IMMP2L: variants seen among roughly 807,000 people sequenced by gnomAD.
The protein encoded by IMMP2L is mitochondrial inner membrane protease subunit 2.
A neutral mutation model predicts 19.3 loss-of-function variants in IMMP2L; 18 were observed. The ratio of observed to expected loss-of-function variants is 0.93; its 90% CI spans 0.64 to 1.38. The LOEUF is 1.38. IMMP2L is among the 40% of genes most tolerant of loss of function. The probability of loss-of-function intolerance (pLI) is 0.00; values close to 1 mark genes in which losing one functional copy is unlikely to be tolerated. For synonymous variants in IMMP2L, 76 were observed against 73.0 expected (o/e 1.04, Z -0.21); for missense variants, 233 against 218.2 (o/e 1.07, Z -0.43).
chr7:111,115,001 C>T (rs934568822), intron 3 of IMMP2L, among the ~76,000 whole-genome samples: 2 of 151,970 alleles, frequency 1.3e-5, no homozygotes, highest in East Asian at 3.9e-4. Flanking sequence ...TAACCTGAAG[C>T]AAATTTTCCA....
At chr7:111,143,681 A>T (rs1803173759) in intron 3 of IMMP2L, among the ~76,000 whole-genome samples, 1 of 152,184 alleles carries the variant, frequency 6.6e-6, no homozygotes, top group Non-Finnish European at 1.5e-5. Context: ...TAAAAAAGAT[A>T]ACTGTAACTG....
At chr7:111,101,273 T>A (rs1473394438) in intron 3 of IMMP2L, among the ~76,000 whole-genome samples, 1 of 151,512 alleles carries the variant, frequency 6.6e-6, no homozygotes, top group Non-Finnish European at 1.5e-5. Context: ...TCAATGACCA[T>A]GATATAGATA....
rs2094217744 is a variant in IMMP2L at position 111,239,572 on chromosome 7, A to C, written c.239+247666T>G. Among the ~76,000 whole-genome samples the C allele has an allele frequency of 2.6e-5, 4 of 151,998 alleles. 1 individual carries two copies. In the South Asian group the frequency reaches 8.3e-4, roughly 31 times the overall value. ...TTTAGGTCTAGTTGATTATGATAGA[A>C]AACAGACAACCACATGATGCAGAAT... is the stretch of plus-strand genomic sequence containing the variant. On this transcript the variant is annotated intron_variant, in intron 3 of 5. Coordinates refer to ENST00000405709, the MANE Select transcript of IMMP2L (RefSeq NM_032549.4).
chr7:111,074,433 G>A (rs149568727), intron 3 of IMMP2L, among the ~76,000 whole-genome samples: 2 of 151,794 alleles, frequency 1.3e-5, no homozygotes, highest in East Asian at 3.9e-4. Context: ...TCTTTCTTAA[G>A]GTTCGGAGCA....
intron 3 of IMMP2L, among the ~76,000 whole-genome samples, chr7:111,445,824 C>T (rs1585131078): frequency 6.6e-6 from 1 of 152,148 alleles, no homozygotes; most frequent in Non-Finnish European, 1.5e-5. Flanking sequence ...GAGTGCCAGA[C>T]AGTGGGCGCA....
At position 111,060,203 on chromosome 7, in the gene IMMP2L, C is replaced by A. The variant is rs527496575; in HGVS notation, c.240-96638G>T. On this transcript the variant is annotated intron_variant, in intron 3 of 5. Coordinates refer to ENST00000405709, the MANE Select transcript of IMMP2L (RefSeq NM_032549.4). ...CCTTTTTACCCAAGCCTATTACTGA[C>A]AATTCAGAAAGACTATGTGAAATAG... 9.2e-5 allele frequency among the ~76,000 whole-genome samples: 14 copies of A among 152,300 alleles called. No homozygotes were observed. In the South Asian group the frequency reaches 2.9e-3, roughly 32 times the overall value.
chr7:111,447,047 TG>T (rs1396776526), intron 3 of IMMP2L, among the ~76,000 whole-genome samples: 4 of 141,066 alleles, frequency 2.8e-5, no homozygotes, highest in Non-Finnish European at 4.6e-5. Flanking sequence ...CCAAGAAATA[TG>T]GGACTATGTG....
Position 111,086,314 on chromosome 7 carries a change from C to T in IMMP2L, c.240-122749G>A, listed in dbSNP as rs141510402. 4.5e-3 allele frequency among the ~76,000 whole-genome samples: 687 copies of T among 151,352 alleles called. 4 individuals carry two copies. Among genetic ancestry groups the T allele is most frequent in the African/African-American group, 0.016 (658 of 41,298 alleles). On this transcript the variant is annotated intron_variant, in intron 3 of 5. Transcript: ENST00000405709. ...AATCAGCAGGATATGGTGGCTTGTG[C>T]CTGTGGTCCTAGCTACTCTGGAAGC...
intron 3 of IMMP2L, among the ~76,000 whole-genome samples, chr7:110,985,505 A>C (rs992219848): frequency 2.6e-5 from 4 of 152,124 alleles, no homozygotes; most frequent in Non-Finnish European, 5.9e-5. Flanking sequence ...AAAGATGCAG[A>C]GTTTCACTAT....
At chr7:111,289,599 T>C (rs939272067) in intron 3 of IMMP2L, among the ~76,000 whole-genome samples, 2 of 152,124 alleles carry the variant, frequency 1.3e-5, no homozygotes, top group African/African-American at 4.8e-5. Flanking sequence ...CAAAGGGATA[T>C]ATAAATCAAA....
At chr7:110,855,439 A>ACC (rs1233979171) in intron 5 of IMMP2L, among the ~76,000 whole-genome samples, 1 of 151,918 alleles carries the variant, frequency 6.6e-6, no homozygotes, top group African/African-American at 2.4e-5. Context: ...CACCACTGAC[A>ACC]ATTGTTTGGA....
intron 5 of IMMP2L, among the ~76,000 whole-genome samples, chr7:110,670,805 G>A (rs1192609568): frequency 6.6e-6 from 1 of 151,968 alleles, no homozygotes; most frequent in African/African-American, 2.4e-5. Flanking sequence ...AAAGAAATAT[G>A]TTGAGAGAAA....
intron 5 of IMMP2L, among the ~76,000 whole-genome samples, chr7:110,666,367 T>TG: frequency 6.6e-6 from 1 of 152,152 alleles, no homozygotes; most frequent in East Asian, 1.9e-4. Flanking sequence ...CTCCACCTCC[T>TG]GGGGTCACGC....
intron 3 of IMMP2L, among the ~76,000 whole-genome samples, chr7:111,158,559 T>C (rs1054258003): frequency 6.6e-6 from 1 of 152,188 alleles, no homozygotes; most frequent in Non-Finnish European, 1.5e-5. Context: ...TCCAAAACTC[T>C]AGTTTTTCGA....
At chr7:110,761,814 A>C (rs942288552) in intron 5 of IMMP2L, among the ~76,000 whole-genome samples, 3 of 152,216 alleles carry the variant, frequency 2.0e-5, no homozygotes, top group African/African-American at 7.2e-5. Flanking sequence ...TGCCATGCTG[A>C]GTATAAATCA....
intron 5 of IMMP2L, among the ~76,000 whole-genome samples, chr7:110,668,492 G>A (rs1206430134): frequency 1.3e-5 from 2 of 152,128 alleles, no homozygotes; most frequent in Non-Finnish European, 2.9e-5. Flanking sequence ...TGTTTCATAA[G>A]GGTGATTTGC....
At position 111,123,602 on chromosome 7, in the gene IMMP2L, G is replaced by A. The variant is rs1485381896; in HGVS notation, c.240-160037C>T. 1.6e-5 allele frequency: 26 copies of A among 1,613,186 alleles called. No individual in the cohort carries two copies. Among genetic ancestry groups the A allele is most frequent in the Non-Finnish European group, 2.2e-5 (26 of 1,179,512 alleles). ...AAAAATCCTATTAATAGAATACGAAGGGGTGATTTTAGCAATATGCTACAC... is the reference window on the plus strand; with the variant it reads ...AAAAATCCTATTAATAGAATACGAAAGGGTGATTTTAGCAATATGCTACAC... On this transcript the variant is annotated intron_variant, in intron 3 of 5. Coordinates refer to ENST00000405709, the MANE Select transcript of IMMP2L (RefSeq NM_032549.4). This position sits in a 1 kb window ranked among gnomAD's most constrained non-coding sequence, Gnocchi z 6.4.
rs753797289 is a variant in IMMP2L, at chr7:111,124,381, G to A, written c.240-160816C>T. ...AATAAGAGATATTCAGGCCAATTCA[G>A]TTTTGGTGTCCTGGAAAGCAAGTTC... is the stretch of plus-strand genomic sequence containing the variant. On this transcript the variant is annotated intron_variant, in intron 3 of 5. Coordinates refer to ENST00000405709, the MANE Select transcript of IMMP2L (RefSeq NM_032549.4). 7 of 1,613,790 alleles carry A rather than the reference G, an allele frequency of 4.3e-6. No individual in the cohort carries two copies. The East Asian group carries it at 1.1e-4, about 26-fold the overall frequency.
At chr7:110,952,718 C>T (rs896189564) in intron 4 of IMMP2L, among the ~76,000 whole-genome samples, 3 of 152,078 alleles carry the variant, frequency 2.0e-5, no homozygotes, top group Non-Finnish European at 4.4e-5. Flanking sequence ...GAGATTCTTC[C>T]TATTTAAGCT....
Sources: allele counts gnomAD v4.1 joint callset (sites outside exome capture counted in the v4.1 genomes callset), GRCh38; gene constraint gnomAD v4.1.1; non-coding constraint Gnocchi (gnomAD v3.1); transcripts MANE v1.5; gene names NCBI Gene and HGNC (gene_info 2026-07-23, HGNC 2026-07-21).